SLC60A1: variants seen among roughly 807,000 people sequenced by gnomAD.
SLC60A1 encodes major facilitator superfamily domain containing 4.
chr1:205,573,381 T>C, the SLC60A1 span, among the ~76,000 whole-genome samples: 1 of 151,884 alleles, frequency 6.6e-6, no homozygotes, highest in Non-Finnish European at 1.5e-5. Context: ...ATTGTGCCAT[T>C]GCACTCCAGC....
At chr1:205,586,907 G>A in the SLC60A1 span, among the ~76,000 whole-genome samples, 1 of 152,098 alleles carries the variant, frequency 6.6e-6, no homozygotes, top group African/African-American at 2.4e-5. Context: ...ACGTTGGCCA[G>A]GCTGGTCTTG....
At chr1:205,580,044 C>T in the SLC60A1 span, 8 of 1,324,584 alleles carry the variant, frequency 6.0e-6, no homozygotes, top group Non-Finnish European at 8.2e-6. This position sits in a 1 kb window ranked among gnomAD's most constrained non-coding sequence, Gnocchi z 5.0. Flanking sequence ...CCCCCAGGGG[C>T]CCACTTACCA....
chr1:205,602,686 T>C, the SLC60A1 span: 1 of 152,282 alleles, frequency 6.6e-6, no homozygotes, highest in Non-Finnish European at 1.5e-5. Flanking sequence ...CTCAAAAGTA[T>C]TAGATGCCAG....
chr1:205,584,766 G>A, the SLC60A1 span: 11 of 900,142 alleles, frequency 1.2e-5, no homozygotes, highest in Middle Eastern at 6.7e-4. Flanking sequence ...GAGGCAGTAA[G>A]TGGGCCCCAT....
chr1:205,574,099 T>C, the SLC60A1 span, among the ~76,000 whole-genome samples: 1 of 152,218 alleles, frequency 6.6e-6, no homozygotes, highest in East Asian at 1.9e-4. Flanking sequence ...AATTGTACGC[T>C]TAAATATGTG....
At chr1:205,593,799 A>G in the SLC60A1 span, among the ~76,000 whole-genome samples, 1 of 152,180 alleles carries the variant, frequency 6.6e-6, no homozygotes, top group African/African-American at 2.4e-5. Context: ...TTAGCAGTTC[A>G]TTTCCTCCCA....
At chr1:205,584,850 C>T in the SLC60A1 span, 1 of 1,603,824 alleles carries the variant, frequency 6.2e-7, no homozygotes, top group Non-Finnish European at 8.5e-7. Context: ...TGAGACTCAC[C>T]CCTGTTCTTC....
chr1:205,595,652 C>T, the SLC60A1 span, among the ~76,000 whole-genome samples: 533 of 152,350 alleles, frequency 3.5e-3, 5 homozygotes, highest in Admixed American at 0.013. Flanking sequence ...TCACTTCCTT[C>T]CCCTCTCTGA....
At chr1:205,580,038 C>T in the SLC60A1 span, 3 of 1,371,798 alleles carry the variant, frequency 2.2e-6, no homozygotes, top group Non-Finnish European at 3.0e-6. The surrounding 1 kb of genome is among the most constrained non-coding windows in gnomAD (Gnocchi z 5.0). Flanking sequence ...CCTCCTCCCC[C>T]AGGGGCCCAC....
chr1:205,586,031 C>T, the SLC60A1 span: 21 of 1,593,350 alleles, frequency 1.3e-5, no homozygotes, highest in Non-Finnish European at 1.7e-5. Flanking sequence ...GGTCTCTCCA[C>T]AGGGTGCCTA....
the SLC60A1 span, among the ~76,000 whole-genome samples, chr1:205,572,629 G>A: frequency 6.6e-6 from 1 of 152,090 alleles, no homozygotes; most frequent in Admixed American, 6.5e-5. Flanking sequence ...CTGGAACACA[G>A]GACAAACCAG....
the SLC60A1 span, chr1:205,600,321 G>A: frequency 2.1e-6 from 3 of 1,400,158 alleles, no homozygotes; most frequent in Non-Finnish European, 3.0e-6. Context: ...GAAACAAACA[G>A]CCTGGGTAAG....
chr1:205,584,677 C>T, the SLC60A1 span, among the ~76,000 whole-genome samples: 2 of 152,096 alleles, frequency 1.3e-5, no homozygotes, highest in South Asian at 2.1e-4. Flanking sequence ...GGGCAAGTCA[C>T]CTGACCTCTC....
chr1:205,585,960 C>G, the SLC60A1 span: 2 of 1,480,886 alleles, frequency 1.4e-6, no homozygotes, highest in East Asian at 2.4e-5. The surrounding 1 kb of genome is among the most constrained non-coding windows in gnomAD (Gnocchi z 4.2). Flanking sequence ...ACCTGCCCAG[C>G]CTGGGCTCCC....
chr1:205,595,569 A>T, the SLC60A1 span, among the ~76,000 whole-genome samples: 1 of 139,038 alleles, frequency 7.2e-6, no homozygotes, highest in Admixed American at 6.8e-5. Context: ...GGGTAAGAGC[A>T]CGGGCTGTGC....
the SLC60A1 span, among the ~76,000 whole-genome samples, chr1:205,595,954 G>A: frequency 6.6e-6 from 1 of 152,162 alleles, no homozygotes; most frequent in Non-Finnish European, 1.5e-5. Flanking sequence ...TCATAGAGGG[G>A]ATGGGATGTG....
chr1:205,600,542 G>A, the SLC60A1 span: 12 of 1,430,634 alleles, frequency 8.4e-6, no homozygotes, highest in Non-Finnish European at 1.1e-5. Flanking sequence ...GCTGGGTGGT[G>A]GTGGAGGCGC....
At chr1:205,581,590 C>G in the SLC60A1 span, among the ~76,000 whole-genome samples, 1 of 152,172 alleles carries the variant, frequency 6.6e-6, no homozygotes, top group Non-Finnish European at 1.5e-5. The surrounding 1 kb of genome is among the most constrained non-coding windows in gnomAD (Gnocchi z 4.2). Flanking sequence ...CCCCCTACCC[C>G]CATCCACCTG....
the SLC60A1 span, among the ~76,000 whole-genome samples, chr1:205,593,675 G>A: frequency 6.6e-6 from 1 of 151,930 alleles, no homozygotes; most frequent in Non-Finnish European, 1.5e-5. Flanking sequence ...TTTTTGTTTT[G>A]TTTTCAAAAT....
Sources: allele counts gnomAD v4.1 joint callset (sites outside exome capture counted in the v4.1 genomes callset), GRCh38; gene constraint gnomAD v4.1.1; non-coding constraint Gnocchi (gnomAD v3.1); transcripts MANE v1.5; gene names NCBI Gene and HGNC (gene_info 2026-07-23, HGNC 2026-07-21).